The following GRIK2 variants were observed in gnomAD, a reference collection of about 807,000 sequenced individuals.
GRIK2 encodes glutamate ionotropic receptor kainate type subunit 2, also known as glutamate receptor ionotropic, kainate 2.
In GRIK2, 32 loss-of-function variants were observed where a neutral mutation model predicts 100.3. That is an observed-to-expected ratio of 0.32 (90% confidence interval 0.24 to 0.43). The LOEUF (loss-of-function observed/expected upper bound fraction) is 0.43. Among genes scored for constraint, GRIK2 ranks in the 20% least tolerant of loss-of-function variants. The probability of loss-of-function intolerance (pLI) is 1.00; values close to 1 mark genes in which losing one functional copy is unlikely to be tolerated. For synonymous variants in GRIK2, 417 were observed against 389.4 expected (o/e 1.07, Z -0.83); for missense variants, 843 against 1,114.9 (o/e 0.76, Z 3.47).
At chr6:101,905,402 C>T (rs922575533) in intron 12 of GRIK2, among the ~76,000 whole-genome samples, 1 of 151,508 alleles carries the variant, frequency 6.6e-6, no homozygotes, top group South Asian at 2.1e-4. Flanking sequence ...TTAGCTTACT[C>T]CAAATAAAAT....
intron 2 of GRIK2, among the ~76,000 whole-genome samples, chr6:101,441,343 G>A (rs532549969): frequency 3.3e-5 from 5 of 152,202 alleles, no homozygotes; most frequent in Admixed American, 1.3e-4. Flanking sequence ...ATAAAATTTT[G>A]TTCTGATACC....
chr6:102,024,896 T>G (rs1056496508), intron 14 of GRIK2, among the ~76,000 whole-genome samples: 2 of 150,084 alleles, frequency 1.3e-5, no homozygotes, highest in Non-Finnish European at 3.0e-5. Flanking sequence ...ACAAATTATA[T>G]GACTGTATTA....
intron 8 of GRIK2, among the ~76,000 whole-genome samples, chr6:101,801,382 T>C (rs1235193161): frequency 3.3e-5 from 5 of 152,020 alleles, no homozygotes; most frequent in African/African-American, 1.2e-4. Flanking sequence ...TGAATATGTA[T>C]TAAACTTTTT....
chr6:101,925,324 T>TA (rs977046929), intron 13 of GRIK2, among the ~76,000 whole-genome samples: 1 of 152,056 alleles, frequency 6.6e-6, no homozygotes, highest in Non-Finnish European at 1.5e-5. Flanking sequence ...ATATACATGT[T>TA]AAAATTAAGG....
intron 2 of GRIK2, among the ~76,000 whole-genome samples, chr6:101,591,747 C>T (rs1778652261): frequency 6.6e-6 from 1 of 151,822 alleles, no homozygotes; most frequent in Non-Finnish European, 1.5e-5. Flanking sequence ...AACAATTAAC[C>T]TTAATTGAGT....
intron 10 of GRIK2, among the ~76,000 whole-genome samples, chr6:101,858,832 TAGTC>T (rs1406761762): frequency 2.0e-5 from 3 of 152,162 alleles, no homozygotes; most frequent in Non-Finnish European, 2.9e-5. Context: ...AGTAGGCAAT[TAGTC>T]AGCAATTTTT....
At chr6:101,773,249 G>A (rs550934734) in intron 7 of GRIK2, among the ~76,000 whole-genome samples, 1 of 152,284 alleles carries the variant, frequency 6.6e-6, no homozygotes, top group Admixed American at 6.5e-5. Context: ...GGGAGGCCGA[G>A]GCGGGCGGAT....
At chr6:101,574,489 C>T (rs1292485330) in intron 2 of GRIK2, among the ~76,000 whole-genome samples, 1 of 150,340 alleles carries the variant, frequency 6.7e-6, no homozygotes, top group Non-Finnish European at 1.5e-5. Context: ...GAAGGAAAAA[C>T]AAACATGTAA....
chr6:101,546,819 C>CTTTTTTTTTTTTTTTTTTTT (rs1169622526), intron 2 of GRIK2, among the ~76,000 whole-genome samples: 1 of 76,886 alleles, frequency 1.3e-5, no homozygotes, highest in East Asian at 4.6e-4. Flanking sequence ...GTTTTTGTTT[C>CTTTTTTTTTTTTTTTTTTTT]TTTTTTTTTT....
chr6:101,997,970 C>G (rs1023929169), intron 14 of GRIK2, among the ~76,000 whole-genome samples: 1 of 152,018 alleles, frequency 6.6e-6, no homozygotes, highest in African/African-American at 2.4e-5. Context: ...CAATAAACTT[C>G]ACAAGTTTAA....
chr6:101,669,876 A>G (rs1212282942), intron 4 of GRIK2, among the ~76,000 whole-genome samples: 1 of 152,110 alleles, frequency 6.6e-6, no homozygotes, highest in Non-Finnish European at 1.5e-5. Context: ...TCAGGGAATA[A>G]GGAAAGCAAA....
intron 2 of GRIK2, among the ~76,000 whole-genome samples, chr6:101,465,587 C>T (rs1026736536): frequency 1.3e-5 from 2 of 151,856 alleles, no homozygotes; most frequent in Non-Finnish European, 1.5e-5. Context: ...GTTTTTAGAC[C>T]TCAGATTTAG....
Position 101,977,887 on chromosome 6 carries a change from G to T in GRIK2, c.2085+49255G>T, listed in dbSNP as rs143310440. On this transcript the variant is annotated intron_variant, in intron 14 of 16. Transcript: ENST00000369134. Reference sequence around the variant, plus strand: ...TGACACCTACTAAATAAAGCTCCTCGAGAAACTTTCCTGGAGGTGGACTAT... The same window carrying T: ...TGACACCTACTAAATAAAGCTCCTCTAGAAACTTTCCTGGAGGTGGACTAT... Among the ~76,000 whole-genome samples, 12 of 152,000 alleles carry T rather than the reference G, an allele frequency of 7.9e-5. No homozygotes were observed. The East Asian group carries it at 2.3e-3, about 30-fold the overall frequency.
rs183653121 is a variant in GRIK2, at chr6:101,855,712, T to G, written c.1318-3575T>G. Among the ~76,000 whole-genome samples, 509 of 152,302 alleles carry G rather than the reference T, an allele frequency of 3.3e-3. 5 individuals carry two copies. The highest frequency in any genetic ancestry group is 0.026 in the Admixed American group (404 of 15,296). ...CCTTGAAGACCAGCATAAACAGTTT[T>G]TATTTTATTCCAGTTTTAATGAAAA... On this transcript the variant is annotated intron_variant, in intron 10 of 16. Transcript: ENST00000369134.
At chr6:101,418,847 T>A (rs1397001388) in intron 2 of GRIK2, among the ~76,000 whole-genome samples, 1 of 152,242 alleles carries the variant, frequency 6.6e-6, no homozygotes, top group Non-Finnish European at 1.5e-5. Context: ...CTCAAACTCA[T>A]GTAATTTTCA....
chr6:101,515,792 G>A (rs1349766408), intron 2 of GRIK2, among the ~76,000 whole-genome samples: 1 of 152,094 alleles, frequency 6.6e-6, no homozygotes, highest in Non-Finnish European at 1.5e-5. Context: ...ATTTGTTTGA[G>A]TTTGTTGTAG....
chr6:101,444,068 T>G (rs927405548), intron 2 of GRIK2, among the ~76,000 whole-genome samples: 7 of 138,874 alleles, frequency 5.0e-5, no homozygotes, highest in South Asian at 2.2e-4. Context: ...TTTCCGGGTT[T>G]TTTTGTTTGT....
Position 101,881,003 on chromosome 6 carries a change from A to G in GRIK2, c.1525-8637A>G, listed in dbSNP as rs73761462. The stretch of plus-strand genomic sequence containing the variant: ...CTATTTACTCATTTCATGTCTTAGT[A>G]GTTTATTTTCAGAAAAGAGTTGTAT... On this transcript the variant is annotated intron_variant, in intron 11 of 16. Transcript: ENST00000369134. Among the ~76,000 whole-genome samples the G allele has an allele frequency of 2.5e-3, 380 of 152,032 alleles. 1 individual carries two copies. Among genetic ancestry groups the G allele is most frequent in the African/African-American group, 8.9e-3 (370 of 41,570 alleles).
At chr6:101,680,301 AT>A (rs1460608114) in intron 5 of GRIK2, among the ~76,000 whole-genome samples, 3 of 152,164 alleles carry the variant, frequency 2.0e-5, no homozygotes, top group East Asian at 3.9e-4. Context: ...ATGTTTTCAA[AT>A]TTTCAAGGAA....
Sources: allele counts gnomAD v4.1 joint callset (sites outside exome capture counted in the v4.1 genomes callset), GRCh38; gene constraint gnomAD v4.1.1; transcripts MANE v1.5; gene names NCBI Gene and HGNC (gene_info 2026-07-23, HGNC 2026-07-21).